Variants in UBQLN4 observed in about 807,000 individuals in gnomAD.
UBQLN4 encodes the protein ubiquilin 4.
UBQLN4 carries 11 observed loss-of-function variants against 60.4 expected under a neutral mutation model. The observed-to-expected ratio is 0.18, with a 90% CI of 0.11 to 0.30. The LOEUF is 0.30. Among genes scored for constraint, UBQLN4 ranks in the 10% least tolerant of loss-of-function variants. UBQLN4 has a pLI of 1.00. For synonymous variants in UBQLN4, 258 were observed against 313.1 expected, an observed-to-expected ratio of 0.82 and a Z score of 1.86; for missense variants, 417 against 795.5, an observed-to-expected ratio of 0.52 and a Z score of 5.72.
chr1:156,037,159 CACAGGA>C, intron 10 of UBQLN4, 29 bp from the exon 11 acceptor site: 1 of 1,606,466 alleles, frequency 6.2e-7, no homozygotes. Flanking sequence ...GTGAAGTGGG[CACAGGA>C]CCAATCTTGG....
intron 10 of UBQLN4, among the ~76,000 whole-genome samples, chr1:156,039,286 T>C (rs1166141743): frequency 2.8e-5 from 4 of 142,010 alleles, no homozygotes; most frequent in Admixed American, 7.2e-5. Context: ...GTTTCACTCT[T>C]GTTGCCCAGG....
chr1:156,031,990 C>G (rs1229782649), downstream of UBQLN4, among the ~76,000 whole-genome samples: 1 of 151,526 alleles, frequency 6.6e-6, no homozygotes, highest in Non-Finnish European at 1.5e-5. Context: ...TATGAACAAG[C>G]AGGATTGTTC....
chr1:156,036,539 G>T lies in UBQLN4; in HGVS notation c.*439C>A, dbSNP rs11548488. 101,165 of 987,630 alleles carry T rather than the reference G, an allele frequency of 0.1. 5,410 individuals are homozygous for T. The highest frequency in any genetic ancestry group is 0.19 in the Middle Eastern group (361 of 1,914). The allele number at this position is 987,630 out of a possible 1,614,324, so 61.2% of individuals were successfully genotyped here. ...TAGCATTGGTTGGGCTAGGGGTTGG[G>T]GGGTAGGGAGAAAAAGAAGGAAGAG... On this transcript the variant is annotated 3_prime_UTR_variant, in exon 11 of 11. Transcript: ENST00000368309.
rs1036445992 is a variant in UBQLN4, at chr1:156,048,205, C to T, written c.900+296G>A. The stretch of plus-strand genomic sequence containing the variant: ...TTGAGACATGCTGTATCAGGGCTGG[C>T]GTCTGACCTCAGGCCTGCCACGTGA... On this transcript the variant is annotated intron_variant, in intron 5 of 10. Coordinates refer to ENST00000368309, the MANE Select transcript of UBQLN4 (RefSeq NM_020131.5). The surrounding 1 kb of genome is among the most constrained non-coding windows in gnomAD (Gnocchi z 4.9). Among the ~76,000 whole-genome samples, 7 of 152,120 alleles carry T rather than the reference C, an allele frequency of 4.6e-5. No individual in the cohort carries two copies. Among genetic ancestry groups the T allele is most frequent in the Non-Finnish European group, 4.4e-5 (3 of 68,024 alleles).
In UBQLN4 at chr1:156,038,605, C is replaced by T. The variant is rs140866037; in HGVS notation, c.1654-1475G>A. Among the ~76,000 whole-genome samples the T allele has an allele frequency of 2.6e-4, 40 of 151,794 alleles. 1 individual carries two copies. The East Asian group carries it at 7.6e-3, about 29-fold the overall frequency. On this transcript the variant is annotated intron_variant, in intron 10 of 10. Coordinates refer to ENST00000368309, the MANE Select transcript of UBQLN4 (RefSeq NM_020131.5). ...CCGGGAGGCGGAGGTTGCAGTGAGC[C>T]GAGACTGTGCCATAACACTCCAGCA...
downstream of UBQLN4, among the ~76,000 whole-genome samples, chr1:156,034,871 A>ATATATATATATATATATATAT (rs60215858): frequency 5.7e-5 from 4 of 70,060 alleles, no homozygotes; most frequent in Admixed American, 3.5e-4. Flanking sequence ...ATATATATAT[A>ATATATATATATATATATATAT]ATTTTTTTTT....
At chr1:156,049,378 G>C (rs1279745820) in intron 4 of UBQLN4, among the ~76,000 whole-genome samples, 1 of 152,154 alleles carries the variant, frequency 6.6e-6, no homozygotes, top group Non-Finnish European at 1.5e-5. Context: ...ACTGAAGATG[G>C]GGGCTTTCTT....
chr1:156,040,938 CT>C (rs1683546222), intron 10 of UBQLN4, among the ~76,000 whole-genome samples: 1 of 152,350 alleles, frequency 6.6e-6, no homozygotes, highest in South Asian at 2.1e-4. Flanking sequence ...CTGCCAGCCC[CT>C]GGCCTTGACT....
chr1:156,038,589 G>A (rs533970104), intron 10 of UBQLN4, among the ~76,000 whole-genome samples: 5 of 152,002 alleles, frequency 3.3e-5, no homozygotes, highest in Non-Finnish European at 5.9e-5. Flanking sequence ...CCCGGGAGGC[G>A]GAGGTTGCAG....
At chr1:156,051,965 C>T (rs1216198275) in intron 1 of UBQLN4, 108 bp from the exon 2 acceptor site, 2 of 1,395,516 alleles carry the variant, frequency 1.4e-6, no homozygotes, top group Non-Finnish European at 2.0e-6. Flanking sequence ...CATCTCTAGT[C>T]ATGGGAAGTC....
At position 156,048,774 on chromosome 1, in the gene UBQLN4, A is replaced by G; in HGVS notation, c.742-115T>C. ...TCAGGATCAGGACCAGGGCCCAGGA[A>G]CTGCCCCACAGTGACAGGGAGTAGA... On this transcript the variant is annotated intron_variant, in intron 4 of 10. Transcript: ENST00000368309. The surrounding 1 kb of genome is among the most constrained non-coding windows in gnomAD (Gnocchi z 4.9). The G allele has an allele frequency of 8.5e-7, 1 of 1,182,274 alleles. No homozygotes were observed. Among genetic ancestry groups the G allele is most frequent in the Non-Finnish European group, 1.2e-6 (1 of 844,684 alleles). The allele number at this position is 1,182,274 out of a possible 1,614,324, so 73.2% of individuals were successfully genotyped here. A position where few individuals can be genotyped will look rare whatever the true frequency, so the allele number is the denominator to read the frequency against.
intron 10 of UBQLN4, 34 bp downstream of exon 10, chr1:156,041,451 T>G: frequency 6.7e-7 from 1 of 1,489,106 alleles, no homozygotes; most frequent in Non-Finnish European, 8.9e-7. Flanking sequence ...ATCAAAGTGG[T>G]GCTCCCAGCA....
chr1:156,043,235 C>G (rs1048320664), intron 6 of UBQLN4, among the ~76,000 whole-genome samples: 25 of 152,278 alleles, frequency 1.6e-4, no homozygotes, highest in African/African-American at 5.1e-4. Flanking sequence ...GATTAAATAT[C>G]ATCTAGATCA....
chr1:156,031,358 C>T (rs1455904613), downstream of UBQLN4, among the ~76,000 whole-genome samples: 1 of 152,130 alleles, frequency 6.6e-6, no homozygotes, highest in Non-Finnish European at 1.5e-5. Flanking sequence ...CTATTTTCCC[C>T]ATTTTTCAGA....
chr1:156,046,578 C>T (rs1683709802), intron 5 of UBQLN4, among the ~76,000 whole-genome samples: 1 of 150,666 alleles, frequency 6.6e-6, no homozygotes, highest in African/African-American at 2.4e-5. Flanking sequence ...TGCAGTGGCT[C>T]ACACCTGTAA....
At chr1:156,051,685 C>T (rs1489297063) in intron 2 of UBQLN4, 21 bp downstream of exon 2, 1 of 1,611,956 alleles carries the variant, frequency 6.2e-7, no homozygotes, top group Admixed American at 1.7e-5. Context: ...GAAGCTGGAT[C>T]TGCTCTGCTC....
At chr1:156,051,438 T>C (rs984053817) in intron 2 of UBQLN4, 111 bp from the exon 3 acceptor site, 4 of 1,337,828 alleles carry the variant, frequency 3.0e-6, no homozygotes, top group Non-Finnish European at 4.2e-6. Context: ...AGACCCCTCC[T>C]GAGCAGTCCT....
At position 156,036,363 on chromosome 1, in the gene UBQLN4, C is replaced by T; in HGVS notation, c.*615G>A. 2 of 985,692 alleles carry T rather than the reference C, an allele frequency of 2.0e-6. No individual in the cohort carries two copies. Among genetic ancestry groups the T allele is most frequent in the Non-Finnish European group, 2.4e-6 (2 of 830,036 alleles). The allele number at this position is 985,692 out of a possible 1,614,324, so 61.1% of individuals were successfully genotyped here. A position where few individuals can be genotyped will look rare whatever the true frequency, so the allele number is the denominator to read the frequency against. ...ATTCCTGTCCAGAGAGCTGTCTCAT[C>T]TCCCTCTTCAGACAGGGAGAACAGG... On this transcript the variant is annotated 3_prime_UTR_variant, in exon 11 of 11. Coordinates refer to ENST00000368309, the MANE Select transcript of UBQLN4 (RefSeq NM_020131.5).
chr1:156,047,921 A>C (rs1223334644), intron 5 of UBQLN4, among the ~76,000 whole-genome samples: 1 of 151,922 alleles, frequency 6.6e-6, no homozygotes, highest in East Asian at 1.9e-4. Flanking sequence ...AAAGAAAGAA[A>C]GAACCAAAAG....
Sources: gnomAD v4.1 joint callset for allele counts (sites outside exome capture counted in the v4.1 genomes callset) on GRCh38, gnomAD v4.1.1 for gene constraint, Gnocchi (gnomAD v3.1) non-coding constraint, MANE v1.5 for transcripts, NCBI Gene and HGNC (gene_info 2026-07-23, HGNC 2026-07-21) for gene names.